TNIK: variants seen among roughly 807,000 people sequenced by gnomAD.
The protein encoded by TNIK is TRAF2 and NCK interacting kinase.
A neutral mutation model predicts 191.3 loss-of-function variants in TNIK; 49 were observed. The observed-to-expected ratio is 0.26, with a 90% CI of 0.20 to 0.32. The LOEUF is 0.32. Ranked by LOEUF, TNIK falls within the 10% of genes least tolerant of loss-of-function variation. TNIK has a pLI of 1.00. For missense variants in TNIK, 1,155 were observed against 1,702.3 expected (o/e 0.68, Z 5.66); for synonymous variants, 594 against 600.9 (o/e 0.99, Z 0.17).
intron 2 of TNIK, among the ~76,000 whole-genome samples, chr3:171,279,014 T>C (rs1750116456): frequency 6.6e-6 from 1 of 152,202 alleles, no homozygotes; most frequent in Non-Finnish European, 1.5e-5. Flanking sequence ...GAGGAAGCAT[T>C]ACACAATTCT....
chr3:171,260,833 T>G (rs1305415894), intron 2 of TNIK, among the ~76,000 whole-genome samples: 1 of 152,140 alleles, frequency 6.6e-6, no homozygotes, highest in Non-Finnish European at 1.5e-5. Context: ...TTCCTTGGGG[T>G]CAAATAGGAT....
intron 3 of TNIK, among the ~76,000 whole-genome samples, chr3:171,212,227 T>TGCA (rs1740922082): frequency 6.6e-6 from 1 of 152,108 alleles, no homozygotes; most frequent in South Asian, 2.1e-4. Flanking sequence ...TCTGCATTAC[T>TGCA]GGGACTTCCT....
chr3:171,382,468 G>A (rs1046986400), intron 1 of TNIK, among the ~76,000 whole-genome samples: 1 of 152,022 alleles, frequency 6.6e-6, no homozygotes, highest in African/African-American at 2.4e-5. Flanking sequence ...TAATCCCCTC[G>A]CCTCAGCCTC....
chr3:171,331,898 T>C (rs1232629467), intron 2 of TNIK, among the ~76,000 whole-genome samples: 1 of 152,200 alleles, frequency 6.6e-6, no homozygotes, highest in Non-Finnish European at 1.5e-5. Context: ...AACCCCATTT[T>C]ATATTATTTT....
At chr3:171,293,468 A>G (rs1410283163) in intron 2 of TNIK, among the ~76,000 whole-genome samples, 1 of 152,238 alleles carries the variant, frequency 6.6e-6, no homozygotes, top group Non-Finnish European at 1.5e-5. Flanking sequence ...ATGGAATCAC[A>G]TAACTATGGG....
At chr3:171,348,195 G>C (rs1288851867) in intron 2 of TNIK, among the ~76,000 whole-genome samples, 2 of 152,122 alleles carry the variant, frequency 1.3e-5, no homozygotes, top group Non-Finnish European at 2.9e-5. Flanking sequence ...TTCCAAACCA[G>C]AGCACAAGTA....
Position 171,308,490 on chromosome 3 carries a change from C to T in TNIK, c.123+61130G>A, listed in dbSNP as rs1753694625. 2.0e-5 allele frequency among the ~76,000 whole-genome samples: 3 copies of T among 152,172 alleles called. No homozygotes were observed. In the South Asian group the frequency reaches 6.2e-4, roughly 31 times the overall value. On this transcript the variant is annotated intron_variant, in intron 2 of 32. Coordinates refer to ENST00000436636, the MANE Select transcript of TNIK (RefSeq NM_015028.4). ...AAAACCCAGGAAATACCATTCTAGA[C>T]ATAGGCCCTGGCAAAGATTTTATGA... is the stretch of plus-strand genomic sequence containing the variant.
chr3:171,376,560 A>G (rs1446492417), intron 1 of TNIK, among the ~76,000 whole-genome samples: 2 of 152,140 alleles, frequency 1.3e-5, no homozygotes, highest in Admixed American at 6.5e-5. Context: ...CTACACGTAC[A>G]TAGTGATTAG....
intron 28 of TNIK, among the ~76,000 whole-genome samples, chr3:171,079,289 A>G (rs576160015): frequency 6.6e-6 from 1 of 152,330 alleles, no homozygotes; most frequent in East Asian, 1.9e-4. Context: ...TTTGGAAGAA[A>G]GTAGATATAA....
chr3:171,094,826 C>T (rs1158118908), intron 22 of TNIK, among the ~76,000 whole-genome samples: 1 of 152,180 alleles, frequency 6.6e-6, no homozygotes, highest in Non-Finnish European at 1.5e-5. Context: ...GTTCTCATCA[C>T]AATTTGCAAT....
intron 23 of TNIK, among the ~76,000 whole-genome samples, chr3:171,090,899 C>G (rs866718129): frequency 3.2e-4 from 48 of 152,282 alleles, no homozygotes; most frequent in Middle Eastern, 3.4e-3. Context: ...CACAAGATGA[C>G]AAGTTGGGTG....
intron 12 of TNIK, among the ~76,000 whole-genome samples, chr3:171,143,032 T>C (rs746158390): frequency 2.6e-5 from 4 of 152,216 alleles, no homozygotes; most frequent in Non-Finnish European, 4.4e-5. Flanking sequence ...ACAGTATTGA[T>C]TGCAACTCAA....
chr3:171,214,760 A>G (rs1741260317), intron 3 of TNIK, among the ~76,000 whole-genome samples: 1 of 152,226 alleles, frequency 6.6e-6, no homozygotes, highest in South Asian at 2.1e-4. Context: ...AACCTCAGCC[A>G]TGGCATTTAA....
chr3:171,108,813 T>A (rs1725379148), intron 19 of TNIK, among the ~76,000 whole-genome samples: 1 of 152,052 alleles, frequency 6.6e-6, no homozygotes. Context: ...AAGGGGGTTG[T>A]TATAGGAGAA....
intron 24 of TNIK, 122 bp from the exon 25 acceptor site, chr3:171,085,351 T>C: frequency 1.1e-6 from 1 of 910,252 alleles, no homozygotes; most frequent in South Asian, 2.1e-5. Flanking sequence ...GGTGTTCACA[T>C]TCTAGTGCTC....
At position 171,333,851 on chromosome 3, in the gene TNIK, G is replaced by C. The variant is rs142798630; in HGVS notation, c.123+35769C>G. ...ACTCGACAGATACAGCACAGGGAGCGCCTCCCGCCAAAGGCAGTTTTTTTC... is the reference window on the plus strand; with the variant it reads ...ACTCGACAGATACAGCACAGGGAGCCCCTCCCGCCAAAGGCAGTTTTTTTC... On this transcript the variant is annotated intron_variant, in intron 2 of 32. Transcript: ENST00000436636. 5.1e-3 allele frequency among the ~76,000 whole-genome samples: 779 copies of C among 152,308 alleles called. 8 individuals are homozygous for C. The highest frequency in any genetic ancestry group is 8.2e-3 in the Non-Finnish European group (558 of 68,028).
intron 21 of TNIK, among the ~76,000 whole-genome samples, chr3:171,103,332 A>G (rs1723926321): frequency 6.6e-6 from 1 of 152,164 alleles, no homozygotes; most frequent in Admixed American, 6.5e-5. Flanking sequence ...GAAAACCATA[A>G]CATAGGTATA....
intron 2 of TNIK, among the ~76,000 whole-genome samples, chr3:171,242,498 TC>T (rs1401977013): frequency 1.6e-4 from 24 of 151,784 alleles, no homozygotes; most frequent in African/African-American, 4.9e-4. Flanking sequence ...ATCCAAAAGA[TC>T]AGTATCAATC....
chr3:171,374,247 A>G (rs1716920893), intron 1 of TNIK, among the ~76,000 whole-genome samples: 1 of 152,198 alleles, frequency 6.6e-6, no homozygotes, highest in Admixed American at 6.5e-5. Context: ...TCCCAAATGG[A>G]CAAAACTGTC....
Sources: allele counts gnomAD v4.1 joint callset (sites outside exome capture counted in the v4.1 genomes callset), GRCh38; gene constraint gnomAD v4.1.1; transcripts MANE v1.5; gene names NCBI Gene and HGNC (gene_info 2026-07-23, HGNC 2026-07-21).